CSRNP3: variants seen among roughly 807,000 people sequenced by gnomAD.
CSRNP3 encodes cysteine and serine rich nuclear protein 3.
In CSRNP3, 12 loss-of-function variants were observed where a neutral mutation model predicts 48.0. That is an observed-to-expected ratio of 0.25 (90% CI 0.16 to 0.41). The LOEUF is 0.41. Ranked by LOEUF, CSRNP3 falls within the 10% of genes least tolerant of loss-of-function variation. The pLI is 1.00. For missense variants in CSRNP3, 580 were observed against 724.4 expected, an observed-to-expected ratio of 0.80 and a Z score of 2.29; for synonymous variants, 263 against 269.7, an observed-to-expected ratio of 0.98 and a Z score of 0.24.
At chr2:165,532,571 G>A (rs1209794648) in intron 3 of CSRNP3, among the ~76,000 whole-genome samples, 1 of 151,780 alleles carries the variant, frequency 6.6e-6, no homozygotes, top group Non-Finnish European at 1.5e-5. Context: ...AAAATAATAA[G>A]AGCTATCTAT....
At chr2:165,534,223 C>T (rs1236692977) in intron 3 of CSRNP3, among the ~76,000 whole-genome samples, 3 of 151,936 alleles carry the variant, frequency 2.0e-5, no homozygotes, top group Non-Finnish European at 4.4e-5. Context: ...TGTTTTGGCC[C>T]TCATAATATT....
intron 4 of CSRNP3, among the ~76,000 whole-genome samples, chr2:165,633,688 A>G (rs1211790737): frequency 6.6e-6 from 1 of 152,236 alleles, no homozygotes; most frequent in Non-Finnish European, 1.5e-5. Flanking sequence ...CTAGGGCTGC[A>G]TCTTACTGCT....
intron 3 of CSRNP3, chr2:165,566,906 T>C (rs1685304944): frequency 6.6e-6 from 1 of 152,060 alleles, no homozygotes; most frequent in Non-Finnish European, 1.5e-5. Flanking sequence ...AATCAATAAA[T>C]GAACCCAGAT....
At chr2:165,567,184 T>A (rs983258589) in intron 3 of CSRNP3, among the ~76,000 whole-genome samples, 1 of 152,124 alleles carries the variant, frequency 6.6e-6, no homozygotes, top group Non-Finnish European at 1.5e-5. Flanking sequence ...TACTCCATGT[T>A]TTATTTTGTC....
intron 4 of CSRNP3, among the ~76,000 whole-genome samples, chr2:165,613,694 A>T (rs1686178795): frequency 6.6e-6 from 1 of 152,116 alleles, no homozygotes; most frequent in Non-Finnish European, 1.5e-5. Context: ...GCTCTGTTGA[A>T]AACAGGTTGG....
At position 165,679,114 on chromosome 2, in the gene CSRNP3, G is replaced by C; in HGVS notation, c.1119G>C (p.Glu373Asp). The change falls in exon 7 of 7, where the codon GAG becomes GAC. Residue 373 changes from glutamate (E) to aspartate (D), a missense_variant. Transcript: ENST00000651982. Reference protein sequence around the residue: ...SLAPSESDEEEEEEEEEEEEE... With the variant: ...SLAPSESDEEDEEEEEEEEEE... ...CACCTAGTGAGTCAGACGAGGAGGA[G>C]GAGGAAGAAGAAGAGGAAGAGGAGG... is the stretch of plus-strand genomic sequence containing the variant. 1.2e-6 allele frequency: 2 copies of C among 1,613,882 alleles called. No individual in the cohort carries two copies. Among genetic ancestry groups the C allele is most frequent in the Non-Finnish European group, 8.5e-7 (1 of 1,179,936 alleles).
rs903378128 is a variant in CSRNP3 at position 165,681,893 on chromosome 2, TC to T, written c.*2145del. 4 of 150,202 alleles carry T rather than the reference TC, an allele frequency of 2.7e-5. No individual in the cohort carries two copies. The highest frequency in any genetic ancestry group is 4.9e-5 in the African/African-American group (2 of 40,736). The allele number at this position is 150,202 out of a possible 1,614,324, so 9.3% of individuals were successfully genotyped here. ...TTTTAGTGCTTAATCTCCAAAATTT[TC>T]CCCCTACTGATACAATCTAAAGAGC... On this transcript the variant is annotated 3_prime_UTR_variant, in exon 7 of 7. Coordinates refer to ENST00000651982, the MANE Select transcript of CSRNP3 (RefSeq NM_001172173.2).
intron 3 of CSRNP3, among the ~76,000 whole-genome samples, chr2:165,555,511 C>T (rs1384037843): frequency 6.6e-6 from 1 of 152,130 alleles, no homozygotes; most frequent in East Asian, 1.9e-4. Flanking sequence ...CTCCTAGAGG[C>T]CTCTAAATGG....
intron 3 of CSRNP3, among the ~76,000 whole-genome samples, chr2:165,527,421 G>A (rs1684751251): frequency 6.6e-6 from 1 of 151,672 alleles, no homozygotes; most frequent in Non-Finnish European, 1.5e-5. Flanking sequence ...TAGCCAGGAT[G>A]GTCTCGATCT....
intron 3 of CSRNP3, among the ~76,000 whole-genome samples, chr2:165,578,025 A>G (rs1438331554): frequency 1.3e-5 from 2 of 152,078 alleles, no homozygotes; most frequent in East Asian, 3.8e-4. Context: ...TACAATGAGA[A>G]TCTATAATAT....
At chr2:165,585,211 T>C (rs1262122742) in intron 3 of CSRNP3, among the ~76,000 whole-genome samples, 1 of 133,930 alleles carries the variant, frequency 7.5e-6, no homozygotes, top group Non-Finnish European at 1.6e-5. Context: ...TAGCATAATG[T>C]GTTTTTTTTT....
At chr2:165,567,452 T>C (rs1685312963) in intron 3 of CSRNP3, among the ~76,000 whole-genome samples, 1 of 152,106 alleles carries the variant, frequency 6.6e-6, no homozygotes, top group South Asian at 2.1e-4. Context: ...TATGTACATA[T>C]TGTAGATGCA....
intron 3 of CSRNP3, among the ~76,000 whole-genome samples, chr2:165,545,165 G>A (rs994896715): frequency 6.6e-6 from 1 of 152,172 alleles, no homozygotes; most frequent in Non-Finnish European, 1.5e-5. Context: ...GTTTCAGTGA[G>A]CTGGTGGTAG....
chr2:165,538,577 G>T (rs1030964122), intron 3 of CSRNP3, among the ~76,000 whole-genome samples: 1 of 151,876 alleles, frequency 6.6e-6, no homozygotes, highest in African/African-American at 2.4e-5. Context: ...AAGAGCCATT[G>T]TGTGGAATTG....
Sources: gnomAD v4.1 joint callset for allele counts (sites outside exome capture counted in the v4.1 genomes callset) on GRCh38, gnomAD v4.1.1 for gene constraint, MANE v1.5 for transcripts, NCBI Gene and HGNC (gene_info 2026-07-23, HGNC 2026-07-21) for gene names.